The following LPA variants were observed in gnomAD, a reference collection of about 807,000 sequenced individuals.
LPA encodes the protein apolipoprotein(a).
In LPA, 199 loss-of-function variants were observed where a neutral mutation model predicts 197.9. That is an observed-to-expected ratio of 1.01 (90% CI 0.90 to 1.13). The LOEUF is 1.13. Among genes scored for constraint, LPA ranks in the 50% most tolerant of loss-of-function variants. LPA has a pLI of 0.00. For synonymous variants in LPA, 715 were observed against 639.5 expected (o/e 1.12, Z -1.78); for missense variants, 1,853 against 1,785.8 (o/e 1.04, Z -0.68).
intron 29 of LPA, 41 bp downstream of exon 29, chr6:160,557,349 C>T: frequency 6.2e-7 from 1 of 1,607,740 alleles, no homozygotes; most frequent in Non-Finnish European, 8.5e-7. Context: ...CTTTTCATCC[C>T]AATGTTCAAA....
rs989619105 is a variant in LPA, at chr6:160,580,049, T to C, written c.4290-1345A>G. ...TGCTCAATCAATCTCTGCTACCCTC[T>C]TCCCACGGCCAGTGTCAAATGCTAT... On this transcript the variant is annotated intron_variant, in intron 26 of 38. Transcript: ENST00000316300. 5.3e-5 allele frequency among the ~76,000 whole-genome samples: 8 copies of C among 152,302 alleles called. No homozygotes were observed. The South Asian group carries it at 1.4e-3, about 28-fold the overall frequency.
At chr6:160,544,883 C>G (rs1778039726) in intron 33 of LPA, among the ~76,000 whole-genome samples, 1 of 152,160 alleles carries the variant, frequency 6.6e-6, no homozygotes, top group Non-Finnish European at 1.5e-5. Flanking sequence ...AGGAAGGAAC[C>G]TAACAAGCAG....
Position 160,605,082 on chromosome 6 carries a change from T to G in LPA, c.2909A>C (p.His970Pro), listed in dbSNP as rs764432205. 6.2e-7 allele frequency: 1 copy of G among 1,613,644 alleles called. No individual in the cohort carries two copies. Among genetic ancestry groups the G allele is most frequent in the South Asian group, 1.1e-5 (1 of 91,056 alleles). The change falls in exon 18 of 39, where the codon CAC (histidine) becomes CCC (proline). Residue 970 changes from histidine (H) to proline (P), a missense_variant. Physicochemically the swap from His to Pro is moderately conservative, Grantham distance 77 (BLOSUM62 -2). Coordinates refer to ENST00000316300, the MANE Select transcript of LPA (RefSeq NM_005577.4). ...GTATGCTGGGGTCCGACTATGCGAG[T>G]GTGGTGTCATAGATGACCAAGCTTG... ...TCQAWSSMTP[H>P]SHSRTPAYYP...
chr6:160,557,913 G>C (rs1473793980), intron 28 of LPA, among the ~76,000 whole-genome samples: 1 of 151,658 alleles, frequency 6.6e-6, no homozygotes, highest in African/African-American at 2.4e-5. Context: ...TTTGAAGAGT[G>C]CATTTTAGAT....
intron 2 of LPA, among the ~76,000 whole-genome samples, chr6:160,649,544 C>T (rs970608053): frequency 3.9e-5 from 6 of 152,132 alleles, no homozygotes; most frequent in African/African-American, 1.4e-4. Flanking sequence ...TTTTTTTGGG[C>T]TCCATCTCCT....
chr6:160,568,823 A>G (rs1165468458), intron 28 of LPA, among the ~76,000 whole-genome samples: 1 of 152,258 alleles, frequency 6.6e-6, no homozygotes, highest in East Asian at 1.9e-4. Flanking sequence ...AAAAATCACA[A>G]GCATTCCCAT....
chr6:160,552,135 C>A (rs1778176603), intron 30 of LPA, among the ~76,000 whole-genome samples: 1 of 152,158 alleles, frequency 6.6e-6, no homozygotes, highest in Admixed American at 6.5e-5. Flanking sequence ...TGGTCTTGAA[C>A]ATCTGGGCTC....
rs1178469878 is a variant in LPA at position 160,605,062 on chromosome 6, C to T, written c.2929G>A (p.Ala977Thr). 1 of 1,613,766 alleles carries T rather than the reference C, an allele frequency of 6.2e-7. No individual in the cohort carries two copies. The highest frequency in any genetic ancestry group is 8.5e-7 in the Non-Finnish European group (1 of 1,179,774). ...TAGACATACGCATTTGGGTAGTATG[C>T]TGGGGTCCGACTATGCGAGTGTGGT... ...MTPHSHSRTP[A>T]YYPNAGLIKN... The change falls in exon 18 of 39, where the codon GCA (alanine) becomes ACA (threonine). Residue 977 changes from alanine to threonine, a missense_variant. Physicochemically the swap from Ala to Thr is moderately conservative, Grantham distance 58 (BLOSUM62 0). Coordinates refer to ENST00000316300, the MANE Select transcript of LPA (RefSeq NM_005577.4).
intron 30 of LPA, among the ~76,000 whole-genome samples, chr6:160,553,328 A>G (rs1239025802): frequency 6.6e-6 from 1 of 152,100 alleles, no homozygotes; most frequent in East Asian, 1.9e-4. Context: ...TTTTTCTTCT[A>G]CCTGAATAAC....
intron 1 of LPA, among the ~76,000 whole-genome samples, chr6:160,657,020 C>A (rs1038643648): frequency 2.6e-5 from 4 of 152,310 alleles, no homozygotes; most frequent in Admixed American, 2.6e-4. Context: ...GCCCACCTTG[C>A]CTTTGATGGT....
At position 160,535,133 on chromosome 6, in the gene LPA, G is replaced by A. The variant is rs1039528442; in HGVS notation, c.5843-2484C>T. ...GGTGGTGATGATGGTTACAGTGATG[G>A]TGGTATTGGAGATGGTGTTGATGGT... On this transcript the variant is annotated intron_variant, in intron 37 of 38. Coordinates refer to ENST00000316300, the MANE Select transcript of LPA (RefSeq NM_005577.4). 5.3e-5 allele frequency among the ~76,000 whole-genome samples: 4 copies of A among 75,158 alleles called. No homozygotes were observed. The Admixed American group carries it at 5.4e-4, about 10-fold the overall frequency. The allele number at this position is 75,158 out of a possible 152,430, so 49.3% of individuals were successfully genotyped here. A position where few individuals can be genotyped will look rare whatever the true frequency, so the allele number is the denominator to read the frequency against.
In LPA at chr6:160,653,995, ATT is replaced by A. The variant is rs1260834452; in HGVS notation, c.50-3500_50-3499del. Among the ~76,000 whole-genome samples the A allele has an allele frequency of 2.8e-3, 57 of 20,114 alleles. 1 individual carries two copies. Among genetic ancestry groups the A allele is most frequent in the Non-Finnish European group, 3.2e-3 (41 of 12,616 alleles). The allele number at this position is 20,114 out of a possible 152,430, so 13.2% of individuals were successfully genotyped here. On this transcript the variant is annotated intron_variant, in intron 1 of 38. Coordinates refer to ENST00000316300, the MANE Select transcript of LPA (RefSeq NM_005577.4). ...ATATAATATATAATATATAATATAT[ATT>A]ATATATAATATATATTATATATAAT...
chr6:160,610,836 C>T (rs1779487103), intron 16 of LPA, among the ~76,000 whole-genome samples: 1 of 152,166 alleles, frequency 6.6e-6, no homozygotes, highest in Non-Finnish European at 1.5e-5. Flanking sequence ...ATCATTGGCC[C>T]TCTCTCAATT....
intron 28 of LPA, among the ~76,000 whole-genome samples, chr6:160,569,855 T>C (rs1249998765): frequency 1.3e-5 from 2 of 152,014 alleles, no homozygotes; most frequent in Non-Finnish European, 1.5e-5. Flanking sequence ...AAAAGAAAAC[T>C]TTTATGCAGT....
At chr6:160,544,617 C>G (rs751356385) in intron 33 of LPA, among the ~76,000 whole-genome samples, 1 of 152,164 alleles carries the variant, frequency 6.6e-6, no homozygotes, top group Non-Finnish European at 1.5e-5. Flanking sequence ...GGAGGCCAAC[C>G]TTCTTCCCCC....
In LPA at chr6:160,652,372, C is replaced by T. The variant is rs574481701; in HGVS notation, c.50-1875G>A. Among the ~76,000 whole-genome samples, 32 of 152,066 alleles carry T rather than the reference C, an allele frequency of 2.1e-4. No homozygotes were observed. In the East Asian group the frequency reaches 3.9e-3, roughly 18 times the overall value. ...ATTTCTAGTCAGAAACTATTCAAAA[C>T]GGAATATAATGGAACATCATTGTTA... On this transcript the variant is annotated intron_variant, in intron 1 of 38. Transcript: ENST00000316300.
rs58821197 is a variant in LPA at position 160,652,016 on chromosome 6, C to CAAA, written c.50-1522_50-1520dup. Among the ~76,000 whole-genome samples the CAAA allele has an allele frequency of 2.0e-3, 240 of 122,536 alleles. 2 individuals are homozygous for CAAA. The highest frequency in any genetic ancestry group is 7.1e-3 in the African/African-American group (232 of 32,784). The allele number at this position is 122,536 out of a possible 152,430, so 80.4% of individuals were successfully genotyped here. A position where few individuals can be genotyped will look rare whatever the true frequency, so the allele number is the denominator to read the frequency against. The stretch of plus-strand genomic sequence containing the variant: ...ACAGATACAAAAAAAGAGTTCCTGA[C>CAAA]AAAAAAAAAAAAGCAGAAGAAGCAT... On this transcript the variant is annotated intron_variant, in intron 1 of 38. Coordinates refer to ENST00000316300, the MANE Select transcript of LPA (RefSeq NM_005577.4).
chr6:160,615,323 G>A (rs1779573578), intron 14 of LPA, among the ~76,000 whole-genome samples: 1 of 109,692 alleles, frequency 9.1e-6, no homozygotes, highest in Non-Finnish European at 2.0e-5. Flanking sequence ...GAGTTTCTGC[G>A]TGTGTGTGAG....
At chr6:160,551,807 G>C (rs1778170474) in intron 30 of LPA, among the ~76,000 whole-genome samples, 1 of 151,880 alleles carries the variant, frequency 6.6e-6, no homozygotes, top group Non-Finnish European at 1.5e-5. Flanking sequence ...CCATTGAATT[G>C]CTTTGCCATC....
Sources: gnomAD v4.1 joint callset for allele counts (sites outside exome capture counted in the v4.1 genomes callset) on GRCh38, gnomAD v4.1.1 for gene constraint, MANE v1.5 for transcripts, NCBI Gene and HGNC (gene_info 2026-07-23, HGNC 2026-07-21) for gene names.